CHRDL1: variants seen among roughly 807,000 people sequenced by gnomAD.
CHRDL1 encodes the protein chordin like 1.
Under a neutral mutation model 40.9 loss-of-function variants are expected in CHRDL1, and 19 were observed. That is an observed-to-expected ratio of 0.46 (90% confidence interval 0.32 to 0.68). The LOEUF is 0.68. Among genes scored for constraint, CHRDL1 ranks in the 30% least tolerant of loss-of-function variants. CHRDL1 has a pLI of 0.03. For missense variants in CHRDL1, 329 were observed against 352.1 expected, an observed-to-expected ratio of 0.93 and a Z score of 0.53; for synonymous variants, 136 against 123.4, an observed-to-expected ratio of 1.10 and a Z score of -0.68.
chrX:110,746,341 T>G (rs1413962601), intron 4 of CHRDL1, among the ~76,000 whole-genome samples: 4 of 111,265 alleles, frequency 3.6e-5, no homozygotes, highest in Non-Finnish European at 7.5e-5. Flanking sequence ...TCTTGCTCTC[T>G]CTTTTTATGA....
rs560526815 is a variant in CHRDL1 at position 110,757,473 on chromosome X, G to A, written c.301+2188C>T. 1.8e-4 allele frequency among the ~76,000 whole-genome samples: 20 copies of A among 111,605 alleles called. No individual in the cohort carries two copies. In the South Asian group the frequency reaches 7.4e-3, roughly 42 times the overall value. ...AAACATAAAGCCAACAAACCATTTAGTAATATCTTCAAAGTGCTGAGGGGA... is the reference window on the plus strand; with the variant it reads ...AAACATAAAGCCAACAAACCATTTAATAATATCTTCAAAGTGCTGAGGGGA... On this transcript the variant is annotated intron_variant, in intron 4 of 11. Coordinates refer to ENST00000372042, the MANE Select transcript of CHRDL1 (RefSeq NM_001143981.2).
chrX:110,791,851 A>T (rs1008423249), intron 2 of CHRDL1, among the ~76,000 whole-genome samples: 2 of 112,094 alleles, frequency 1.8e-5, no homozygotes, highest in Non-Finnish European at 3.8e-5. Flanking sequence ...CTAATGTGTC[A>T]TATGTTCTAT....
At chrX:110,769,311 A>T (rs2089714862) in intron 2 of CHRDL1, among the ~76,000 whole-genome samples, 1 of 112,247 alleles carries the variant, frequency 8.9e-6, no homozygotes, top group South Asian at 3.7e-4. Context: ...AAACACACAA[A>T]TTTTCTTCAG....
intron 6 of CHRDL1, among the ~76,000 whole-genome samples, chrX:110,702,645 A>G (rs2070538754): frequency 8.9e-6 from 1 of 112,118 alleles, no homozygotes; most frequent in African/African-American, 3.2e-5. Flanking sequence ...GATACATAGT[A>G]GTCGCTCAAT....
intron 2 of CHRDL1, among the ~76,000 whole-genome samples, chrX:110,769,485 A>C (rs1344657351): frequency 1.8e-5 from 2 of 112,726 alleles, no homozygotes; most frequent in Non-Finnish European, 3.7e-5. Flanking sequence ...AAAACAATCT[A>C]AGTACAGAAA....
intron 4 of CHRDL1, among the ~76,000 whole-genome samples, chrX:110,728,942 C>T (rs1051187973): frequency 8.9e-6 from 1 of 111,925 alleles, no homozygotes; most frequent in African/African-American, 3.2e-5. Flanking sequence ...CAAGTCCAGC[C>T]TAGTCAACAT....
At position 110,752,078 on chromosome X, in the gene CHRDL1, CAT is replaced by C. The variant is rs750863825; in HGVS notation, c.301+7581_301+7582del. 3.8e-4 allele frequency among the ~76,000 whole-genome samples: 42 copies of C among 111,961 alleles called. No individual in the cohort carries two copies. The South Asian group carries it at 4.9e-3, about 13-fold the overall frequency. On this transcript the variant is annotated intron_variant, in intron 4 of 11. Transcript: ENST00000372042. ...ATGTGGAAGCTAAAAAAGTTGATCT[CAT>C]AGAAACAGAAAGTAGAATAGTGGTT...
At chrX:110,707,325 T>C (rs1445799625) in intron 6 of CHRDL1, among the ~76,000 whole-genome samples, 4 of 111,538 alleles carry the variant, frequency 3.6e-5, no homozygotes, top group Non-Finnish European at 5.7e-5. Flanking sequence ...AAAGAGCCCA[T>C]ATAGCCAGGA....
chrX:110,760,658 C>A (rs1446226509), intron 3 of CHRDL1, among the ~76,000 whole-genome samples: 1 of 112,088 alleles, frequency 8.9e-6, no homozygotes, highest in African/African-American at 3.2e-5. Context: ...AAGAATCCGA[C>A]AAAATCAGGC....
intron 6 of CHRDL1, among the ~76,000 whole-genome samples, chrX:110,714,110 T>C (rs1039247135): frequency 9.0e-6 from 1 of 110,923 alleles, no homozygotes; most frequent in Non-Finnish European, 1.9e-5. Flanking sequence ...ATAGGTAAAC[T>C]CCTGTCATGA....
intron 2 of CHRDL1, among the ~76,000 whole-genome samples, chrX:110,781,937 C>T (rs1001684743): frequency 8.9e-6 from 1 of 111,780 alleles, no homozygotes; most frequent in African/African-American, 3.2e-5. Flanking sequence ...TCTTGAAAAC[C>T]ACAGATAACC....
chrX:110,765,930 T>C (rs780892048), intron 2 of CHRDL1, among the ~76,000 whole-genome samples: 4 of 111,572 alleles, frequency 3.6e-5, no homozygotes, highest in Non-Finnish European at 5.6e-5. Flanking sequence ...TTCTGCAAAA[T>C]AGACCATATG....
chrX:110,676,179 A>C lies in CHRDL1; in HGVS notation c.*52T>G. The C allele has an allele frequency of 1.7e-6, 2 of 1,147,415 alleles. No homozygotes were observed. The highest frequency in any genetic ancestry group is 1.2e-6 in the Non-Finnish European group (1 of 851,236). 94.6% of individuals were successfully genotyped at this position (1,147,415 alleles called of 1,213,427 possible). A position where few individuals can be genotyped will look rare whatever the true frequency, so the allele number is the denominator to read the frequency against. On this transcript the variant is annotated 3_prime_UTR_variant, in exon 12 of 12. Coordinates refer to ENST00000372042, the MANE Select transcript of CHRDL1 (RefSeq NM_001143981.2). ...CTTAAGCAAAATAAGCCTGCAGTCC[A>C]GCTGCAGCTTGAGTTTTCTTGCTTT... is the stretch of plus-strand genomic sequence containing the variant.
chrX:110,734,203 C>T (rs1176618791), intron 4 of CHRDL1, among the ~76,000 whole-genome samples: 2 of 111,185 alleles, frequency 1.8e-5, no homozygotes, highest in Non-Finnish European at 3.8e-5. Context: ...GATTTCATGA[C>T]CCAAAAGAAG....
At chrX:110,742,227 G>A (rs991043594) in intron 4 of CHRDL1, among the ~76,000 whole-genome samples, 2 of 111,864 alleles carry the variant, frequency 1.8e-5, no homozygotes, top group Admixed American at 1.9e-4. Context: ...AAGGGAGGGC[G>A]CTATGTCTGA....
At chrX:110,750,473 A>G (rs183236159) in intron 4 of CHRDL1, among the ~76,000 whole-genome samples, 15 of 111,945 alleles carry the variant, frequency 1.3e-4, no homozygotes, top group African/African-American at 4.5e-4. Flanking sequence ...AAAGCCCACT[A>G]CAGGACATTT....
intron 4 of CHRDL1, among the ~76,000 whole-genome samples, chrX:110,728,268 C>A (rs1290506858): frequency 9.0e-6 from 1 of 110,814 alleles, no homozygotes; most frequent in African/African-American, 3.3e-5. Flanking sequence ...TATTCTATTG[C>A]ATTCTTTTAT....
At chrX:110,694,395 T>C in intron 7 of CHRDL1, 64 bp from the exon 8 acceptor site, 1 of 885,009 alleles carries the variant, frequency 1.1e-6, no homozygotes, top group Non-Finnish European at 1.6e-6. Flanking sequence ...GATTAAGTTA[T>C]ATACTAGAAG....
chrX:110,754,615 C>G (rs1222130554), intron 4 of CHRDL1, among the ~76,000 whole-genome samples: 1 of 111,780 alleles, frequency 8.9e-6, no homozygotes, highest in Admixed American at 9.5e-5. Flanking sequence ...CCTTGAATAT[C>G]TAAGACTGGG....
Sources: allele counts gnomAD v4.1 joint callset (sites outside exome capture counted in the v4.1 genomes callset), GRCh38; gene constraint gnomAD v4.1.1; transcripts MANE v1.5; gene names NCBI Gene and HGNC (gene_info 2026-07-23, HGNC 2026-07-21).